PTPRA: variants seen among roughly 807,000 people sequenced by gnomAD.
PTPRA encodes the protein receptor-type tyrosine-protein phosphatase alpha.
A neutral mutation model predicts 104.8 loss-of-function variants in PTPRA; 25 were observed. That is an observed-to-expected ratio of 0.24 (90% CI 0.17 to 0.33). The LOEUF (loss-of-function observed/expected upper bound fraction) is 0.33, where lower values mean the gene tolerates loss of function less well. Among genes scored for constraint, PTPRA ranks in the 10% least tolerant of loss-of-function variants. The pLI, the probability that PTPRA is intolerant of heterozygous loss-of-function variation, is 1.00. For missense variants in PTPRA, 765 were observed against 1,015.3 expected, an observed-to-expected ratio of 0.75 and a Z score of 3.35; for synonymous variants, 323 against 368.9, an observed-to-expected ratio of 0.88 and a Z score of 1.43.
At position 3,026,677 on chromosome 20, in the gene PTPRA, C is replaced by T. The variant is rs1383408558; in HGVS notation, c.1615-10C>T. ...GATCAGTAATGTTTCCCCTCCCCTT[C>T]CCAATTCAGAAGTTAACATCAATCA... On this transcript the variant is annotated splice_polypyrimidine_tract_variant and intron_variant, in intron 17 of 23. Coordinates refer to ENST00000399903, the MANE Select transcript of PTPRA (RefSeq NM_001385305.1). The T allele has an allele frequency of 6.3e-7, 1 of 1,596,408 alleles. No homozygotes were observed. Among genetic ancestry groups the T allele is most frequent in the South Asian group, 1.1e-5 (1 of 90,664 alleles).
intron 5 of PTPRA, among the ~76,000 whole-genome samples, chr20:2,966,867 A>G (rs1265161695): frequency 6.6e-6 from 1 of 152,146 alleles, no homozygotes. Context: ...GTTACATACA[A>G]TTTTTTGAAA....
chr20:2,878,740 C>A (rs1392648677), intron 1 of PTPRA, among the ~76,000 whole-genome samples: 1 of 152,148 alleles, frequency 6.6e-6, no homozygotes, highest in Admixed American at 6.5e-5. Flanking sequence ...GGGGCCATTT[C>A]TTGACAACCC....
chr20:2,934,397 G>T (rs577842747), intron 2 of PTPRA, among the ~76,000 whole-genome samples: 1 of 152,132 alleles, frequency 6.6e-6, no homozygotes, highest in South Asian at 2.1e-4. Flanking sequence ...GAGCCACCGG[G>T]TATTTTTTAT....
intron 20 of PTPRA, among the ~76,000 whole-genome samples, chr20:3,032,938 C>T (rs1480453918): frequency 6.6e-6 from 1 of 151,180 alleles, no homozygotes; most frequent in East Asian, 1.9e-4. Context: ...CTTACAGCAG[C>T]ATTTGAAAGA....
chr20:2,890,658 A>C (rs1004294371), intron 1 of PTPRA, among the ~76,000 whole-genome samples: 1 of 152,168 alleles, frequency 6.6e-6, no homozygotes, highest in Non-Finnish European at 1.5e-5. Flanking sequence ...GGGAGAGGGA[A>C]GAGAGAAAAA....
chr20:2,895,494 G>A (rs187130718), intron 1 of PTPRA, among the ~76,000 whole-genome samples: 2 of 152,036 alleles, frequency 1.3e-5, no homozygotes, highest in Non-Finnish European at 2.9e-5. Context: ...CATGACAACT[G>A]TAGTATTGAT....
At chr20:2,904,945 G>A (rs900754597) in intron 1 of PTPRA, among the ~76,000 whole-genome samples, 1 of 152,074 alleles carries the variant, frequency 6.6e-6, no homozygotes, top group Non-Finnish European at 1.5e-5. Context: ...AAATTATATA[G>A]AGCAGGGATA....
chr20:2,958,676 AAAAAAAAAAG>A (rs1449259457), intron 3 of PTPRA, among the ~76,000 whole-genome samples: 1 of 149,196 alleles, frequency 6.7e-6, no homozygotes, highest in Admixed American at 6.7e-5. Context: ...AAAAAAAAAA[AAAAAAAAAAG>A]AAATACAAAA....
chr20:2,987,884 T>C (rs1375729421), intron 7 of PTPRA, 148 bp from the exon 8 acceptor site: 1 of 793,526 alleles, frequency 1.3e-6, no homozygotes, highest in Non-Finnish European at 2.2e-6. Context: ...TGCTGCTGCC[T>C]CAGGGTGTGC....
intron 1 of PTPRA, among the ~76,000 whole-genome samples, chr20:2,891,543 A>G (rs928192654): frequency 6.6e-6 from 1 of 152,090 alleles, no homozygotes; most frequent in Admixed American, 6.6e-5. Flanking sequence ...GCATTTCCTT[A>G]CTGACTACTC....
intron 1 of PTPRA, among the ~76,000 whole-genome samples, chr20:2,922,311 A>G (rs1402390498): frequency 2.0e-5 from 3 of 152,152 alleles, no homozygotes; most frequent in Non-Finnish European, 2.9e-5. Flanking sequence ...AAAACAATCC[A>G]TAATGTTTAA....
Position 2,951,403 on chromosome 20 carries a change from A to G in PTPRA, c.-7+3379A>G, listed in dbSNP as rs183679354. Among the ~76,000 whole-genome samples, 216 of 152,232 alleles carry G rather than the reference A, an allele frequency of 1.4e-3. 1 individual carries two copies. The highest frequency in any genetic ancestry group is 3.5e-3 in the East Asian group (18 of 5,178). ...GCAGGAGCCACTGCGCCCAGCAACTATGTGTTTCTGATCCTTTGTCAGGGC... is the reference window on the plus strand; with the variant it reads ...GCAGGAGCCACTGCGCCCAGCAACTGTGTGTTTCTGATCCTTTGTCAGGGC... On this transcript the variant is annotated intron_variant, in intron 3 of 23. Coordinates refer to ENST00000399903, the MANE Select transcript of PTPRA (RefSeq NM_001385305.1).
rs532327127 is a variant in PTPRA at position 2,900,176 on chromosome 20, T to C, written c.-128-23031T>C. Reference sequence around the variant, plus strand: ...TTTTTTCATTCATTCATTAATTCTTTAGATGGGGTCTTGCCCTGTCACCCA... The same window carrying C: ...TTTTTTCATTCATTCATTAATTCTTCAGATGGGGTCTTGCCCTGTCACCCA... On this transcript the variant is annotated intron_variant, in intron 1 of 23. Transcript: ENST00000399903. Among the ~76,000 whole-genome samples the C allele has an allele frequency of 5.3e-5, 8 of 152,090 alleles. No homozygotes were observed. In the East Asian group the frequency reaches 1.5e-3, roughly 29 times the overall value.
intron 2 of PTPRA, among the ~76,000 whole-genome samples, chr20:2,947,715 A>G (rs1288957884): frequency 1.3e-5 from 2 of 152,200 alleles, no homozygotes; most frequent in African/African-American, 4.8e-5. Flanking sequence ...CACTGAATAC[A>G]TGAACAACCC....
At chr20:2,948,049 G>GT (rs1375067179) in intron 3 of PTPRA, 25 bp downstream of exon 3, 11 of 1,029,602 alleles carry the variant, frequency 1.1e-5, no homozygotes, top group South Asian at 4.1e-5. Context: ...AGTTTTTTAA[G>GT]TTTTTTCTAC....
chr20:2,962,467 T>C (rs534639983), intron 3 of PTPRA, among the ~76,000 whole-genome samples: 1 of 152,346 alleles, frequency 6.6e-6, no homozygotes, highest in South Asian at 2.1e-4. Flanking sequence ...CTCTCAAATA[T>C]GTAGTTATTT....
At chr20:2,868,278 C>T in the PTPRA span, among the ~76,000 whole-genome samples, 1 of 151,070 alleles carries the variant, frequency 6.6e-6, no homozygotes, top group African/African-American at 2.4e-5. Context: ...CAGGCCCACC[C>T]CACCAATTTC....
At chr20:2,872,669 G>T (rs1262925083), upstream of PTPRA, among the ~76,000 whole-genome samples, 1 of 152,356 alleles carries the variant, frequency 6.6e-6, no homozygotes, top group East Asian at 1.9e-4. This position sits in a 1 kb window ranked among gnomAD's most constrained non-coding sequence, Gnocchi z 7.9. Flanking sequence ...ACCTGCTGCC[G>T]CTGGATGGAC....
chr20:2,880,587 C>T (rs1207640521), intron 1 of PTPRA, among the ~76,000 whole-genome samples: 2 of 152,156 alleles, frequency 1.3e-5, no homozygotes, highest in Non-Finnish European at 2.9e-5. Context: ...GACACTTGTC[C>T]AACTCCTGTG....
Sources: gnomAD v4.1 joint callset for allele counts (sites outside exome capture counted in the v4.1 genomes callset) on GRCh38, gnomAD v4.1.1 for gene constraint, Gnocchi (gnomAD v3.1) non-coding constraint, MANE v1.5 for transcripts, NCBI Gene and HGNC (gene_info 2026-07-23, HGNC 2026-07-21) for gene names.